Variants in TMEM131 observed in about 807,000 individuals in gnomAD.
TMEM131 encodes 2610524E03Rik.
TMEM131 carries 66 observed loss-of-function variants against 211.6 expected under a neutral mutation model. The observed-to-expected ratio is 0.31, with a 90% CI of 0.26 to 0.38. TMEM131 has a LOEUF of 0.38. TMEM131 is among the 10% of genes least tolerant of loss of function. TMEM131 has a pLI of 1.00. For synonymous variants in TMEM131, 844 were observed against 841.3 expected, an observed-to-expected ratio of 1.00 and a Z score of -0.06; for missense variants, 2,036 against 2,299.3, an observed-to-expected ratio of 0.89 and a Z score of 2.34.
intron 31 of TMEM131, 86 bp downstream of exon 31, chr2:97,792,300 C>T: frequency 8.7e-7 from 1 of 1,152,074 alleles, no homozygotes; most frequent in East Asian, 2.6e-5. Flanking sequence ...TAGTTGTTTA[C>T]CACAACTATA....
At chr2:97,859,011 C>T (rs918535696) in intron 5 of TMEM131, among the ~76,000 whole-genome samples, 19 of 152,280 alleles carry the variant, frequency 1.2e-4, no homozygotes, top group African/African-American at 4.6e-4. Context: ...AAACAACTAA[C>T]ACAATGCGAA....
rs1335481771 is a variant in TMEM131, at chr2:97,802,004, A to G, written c.2652-43T>C. ...CACATATTTATTCATAAGCAACATC[A>G]CAGTTAAGGGAGTTATGGAGTGATT... On this transcript the variant is annotated intron_variant, in intron 24 of 40. Coordinates refer to ENST00000186436, the MANE Select transcript of TMEM131 (RefSeq NM_015348.2). 7 of 1,371,792 alleles carry G rather than the reference A, an allele frequency of 5.1e-6. No individual in the cohort carries two copies. The South Asian group carries it at 8.5e-5, about 17-fold the overall frequency. The allele number at this position is 1,371,792 out of a possible 1,614,324, so 85.0% of individuals were successfully genotyped here. A position where few individuals can be genotyped will look rare whatever the true frequency, so the allele number is the denominator to read the frequency against.
chr2:97,780,106 T>C (rs1456037023), intron 31 of TMEM131, among the ~76,000 whole-genome samples: 1 of 152,060 alleles, frequency 6.6e-6, no homozygotes. Flanking sequence ...CTTTTAGGTA[T>C]AAATTCTATC....
intron 5 of TMEM131, among the ~76,000 whole-genome samples, chr2:97,848,440 T>C (rs1683547483): frequency 6.6e-6 from 1 of 152,216 alleles, no homozygotes; most frequent in Non-Finnish European, 1.5e-5. Flanking sequence ...AAAAACAATG[T>C]AGCATTTGCA....
Position 97,792,806 on chromosome 2 carries a change from T to C in TMEM131, c.3724A>G (p.Ser1242Gly), listed in dbSNP as rs780144838. 1.2e-6 allele frequency: 2 copies of C among 1,613,928 alleles called. No individual in the cohort carries two copies. Among genetic ancestry groups the C allele is most frequent in the Non-Finnish European group, 1.7e-6 (2 of 1,179,904 alleles). ...TGAGCAGAAGTCCTACTAGAGGTACTTGAACTGTTTTTGGCTCTGACGTTT... is the reference window on the plus strand; with the variant it reads ...TGAGCAGAAGTCCTACTAGAGGTACCTGAACTGTTTTTGGCTCTGACGTTT... ...VENVRAKNSS[S>G]TSSRTSAQAA... is the part of the protein sequence containing the mutation. Residue 1242 changes from serine (S) to glycine (G), a missense_variant, in exon 31 of 41, where the codon AGT (serine) becomes GGT (glycine). Physicochemically the swap from Ser to Gly is moderately conservative, Grantham distance 56. Transcript: ENST00000186436.
intron 11 of TMEM131, among the ~76,000 whole-genome samples, chr2:97,827,864 T>C (rs762563594): frequency 4.6e-5 from 7 of 152,230 alleles, no homozygotes; most frequent in Admixed American, 3.9e-4. Context: ...TATCCTATAA[T>C]ACAAAGCATA....
chr2:97,936,955 A>C (rs903538882), intron 1 of TMEM131, among the ~76,000 whole-genome samples: 5 of 152,154 alleles, frequency 3.3e-5, no homozygotes, highest in Non-Finnish European at 1.5e-5. Context: ...GAAGAGAAAG[A>C]AATTATTAAA....
Position 97,834,658 on chromosome 2 carries a change from T to C in TMEM131, c.975A>G (p.Ser325=). The C allele has an allele frequency of 6.3e-7, 1 of 1,581,770 alleles. No homozygotes were observed. The highest frequency in any genetic ancestry group is 1.2e-5 in the South Asian group (1 of 86,280). Residue 325 remains serine, a synonymous_variant, in exon 10 of 41, where the codon TCA becomes TCG. Transcript: ENST00000186436. ...EVTTAPGIYS[S]TEMLDFGTLR... is the part of the protein sequence containing the mutation. ...GTGTACCAAAATCTAACATTTCAGT[T>C]GAGGAATAAATTCCAGGAGCTTGGA...
At chr2:97,799,081 C>T (rs1313793176) in intron 25 of TMEM131, among the ~76,000 whole-genome samples, 1 of 152,084 alleles carries the variant, frequency 6.6e-6, no homozygotes, top group Admixed American at 6.5e-5. Context: ...GAGTATCCAC[C>T]ACGATGTCAA....
At chr2:97,810,113 A>T (rs1307354579) in intron 18 of TMEM131, among the ~76,000 whole-genome samples, 3 of 152,212 alleles carry the variant, frequency 2.0e-5, no homozygotes, top group Admixed American at 6.5e-5. Context: ...AGATTATTTT[A>T]AAAAAGAAAG....
intron 22 of TMEM131, among the ~76,000 whole-genome samples, chr2:97,804,588 A>C (rs1477407156): frequency 7.0e-6 from 1 of 142,490 alleles, no homozygotes; most frequent in Non-Finnish European, 1.5e-5. Context: ...ACGCCACTGC[A>C]CTCCAGCTTG....
intron 6 of TMEM131, 33 bp from the exon 7 acceptor site, chr2:97,841,970 G>A (rs1402173805): frequency 1.4e-6 from 2 of 1,474,340 alleles, no homozygotes; most frequent in Non-Finnish European, 1.8e-6. Context: ...TGCAATTTTA[G>A]TTGCTTTTAT....
chr2:97,982,649 C>T (rs777612562), intron 1 of TMEM131, among the ~76,000 whole-genome samples: 3 of 152,180 alleles, frequency 2.0e-5, no homozygotes, highest in Non-Finnish European at 4.4e-5. Context: ...GTCCTAATCC[C>T]AGGAAGCTGT....
chr2:97,865,484 T>G (rs1315419401), intron 4 of TMEM131, among the ~76,000 whole-genome samples: 2 of 152,242 alleles, frequency 1.3e-5, no homozygotes, highest in East Asian at 3.8e-4. Flanking sequence ...GGCATTATTA[T>G]CATGAAAGGA....
intron 1 of TMEM131, among the ~76,000 whole-genome samples, chr2:97,976,415 T>C (rs933982916): frequency 6.6e-5 from 10 of 152,108 alleles, no homozygotes; most frequent in Admixed American, 1.3e-4. Flanking sequence ...AAAAATATCA[T>C]TTATTAATAA....
intron 2 of TMEM131, among the ~76,000 whole-genome samples, chr2:97,917,085 G>C (rs1297650418): frequency 6.6e-6 from 1 of 152,086 alleles, no homozygotes; most frequent in Non-Finnish European, 1.5e-5. Context: ...GAACATTAAA[G>C]CCCATTTCCA....
chr2:97,962,829 A>G (rs1262845924), intron 1 of TMEM131, among the ~76,000 whole-genome samples: 1 of 152,252 alleles, frequency 6.6e-6, no homozygotes, highest in East Asian at 1.9e-4. Context: ...TTACTTAGCA[A>G]TAAAAAGAAA....
chr2:97,860,336 T>A (rs927497199), intron 4 of TMEM131, among the ~76,000 whole-genome samples: 3 of 152,162 alleles, frequency 2.0e-5, no homozygotes, highest in Non-Finnish European at 4.4e-5. Context: ...GCCTGCCCTG[T>A]GTTTTTTTTC....
chr2:97,802,810 G>A lies in TMEM131; in HGVS notation c.2403-20C>T, dbSNP rs1013688058. On this transcript the variant is annotated intron_variant, in intron 22 of 40. Transcript: ENST00000186436. ...CTCAATCTAGAAAAACAATTTGTAA[G>A]TCACTGTATCAAAATGAAATATTTG... 3.9e-6 allele frequency: 6 copies of A among 1,521,814 alleles called. No homozygotes were observed. The African/African-American group carries it at 7.1e-5, about 18-fold the overall frequency. 94.3% of individuals were successfully genotyped at this position (1,521,814 alleles called of 1,614,324 possible). A position where few individuals can be genotyped will look rare whatever the true frequency, so the allele number is the denominator to read the frequency against.
Sources: allele counts gnomAD v4.1 joint callset (sites outside exome capture counted in the v4.1 genomes callset), GRCh38; gene constraint gnomAD v4.1.1; transcripts MANE v1.5; gene names NCBI Gene and HGNC (gene_info 2026-07-23, HGNC 2026-07-21).